SCN9A: variants seen among roughly 807,000 people sequenced by gnomAD.
SCN9A encodes sodium voltage-gated channel alpha subunit 9, also known as sodium channel protein type 9 subunit alpha.
In SCN9A, 131 loss-of-function variants were observed where a neutral mutation model predicts 187.0. That is an observed-to-expected ratio of 0.70 (90% CI 0.61 to 0.81). The LOEUF (loss-of-function observed/expected upper bound fraction) is 0.81, where lower values mean the gene tolerates loss of function less well. Ranked by LOEUF, SCN9A falls within the 30% of genes least tolerant of loss-of-function variation. SCN9A has a pLI of 0.00. For synonymous variants in SCN9A, 809 were observed against 808.6 expected, an observed-to-expected ratio of 1.00 and a Z score of -0.01; for missense variants, 2,252 against 2,396.6, an observed-to-expected ratio of 0.94 and a Z score of 1.26.
At chr2:166,346,747 T>C (rs2105291107) in intron 1 of SCN9A, among the ~76,000 whole-genome samples, 1 of 152,270 alleles carries the variant, frequency 6.6e-6, no homozygotes, top group East Asian at 1.9e-4. Flanking sequence ...TTGTTCTCTC[T>C]AAAGCGTGGG....
intron 15 of SCN9A, among the ~76,000 whole-genome samples, 163 bp from the exon 16 acceptor site, chr2:166,277,502 ATC>A (rs1193574183): frequency 6.6e-6 from 1 of 152,142 alleles, no homozygotes; most frequent in African/African-American, 2.4e-5. Flanking sequence ...AATTTTCAAT[ATC>A]TCTGTTATTT....
intron 1 of SCN9A, among the ~76,000 whole-genome samples, chr2:166,351,161 G>C (rs551569090): frequency 3.4e-4 from 52 of 152,138 alleles, no homozygotes; most frequent in African/African-American, 1.1e-3. Context: ...AAAATATCTT[G>C]AAGTCTTGAA....
At position 166,195,585 on chromosome 2, in the gene SCN9A, T is replaced by C. The variant is rs200582772; in HGVS notation, c.*3087A>G. ...ATTTACATATGCATTTTATTTTCAC[T>C]CTTTTTAATAAAGCTATCAAAACTC... On this transcript the variant is annotated 3_prime_UTR_variant, in exon 27 of 27. Coordinates refer to ENST00000642356, the MANE Select transcript of SCN9A (RefSeq NM_001365536.1). 4.6e-5 allele frequency: 7 copies of C among 152,212 alleles called. No individual in the cohort carries two copies. The highest frequency in any genetic ancestry group is 6.5e-5 in the Admixed American group (1 of 15,276). The allele number at this position is 152,212 out of a possible 1,614,324, so 9.4% of individuals were successfully genotyped here. A position where few individuals can be genotyped will look rare whatever the true frequency, so the allele number is the denominator to read the frequency against.
At chr2:166,370,113 T>C (rs1207287635) in intron 1 of SCN9A, among the ~76,000 whole-genome samples, 1 of 151,504 alleles carries the variant, frequency 6.6e-6, no homozygotes, top group African/African-American at 2.4e-5. Flanking sequence ...AATAATTACA[T>C]TGGATTTAAA....
chr2:166,246,228 A>C (rs1328659539), intron 18 of SCN9A, among the ~76,000 whole-genome samples: 1 of 151,972 alleles, frequency 6.6e-6, no homozygotes, highest in African/African-American at 2.4e-5. Context: ...TTGATTCCCC[A>C]AAAAGAGTTA....
At position 166,284,611 on chromosome 2, in the gene SCN9A, T is replaced by G; in HGVS notation, c.1816A>C (p.Ser606Arg). The change falls in exon 12 of 27, where the codon AGT becomes CGT. Residue 606 changes from serine (S) to arginine (R), a missense_variant. Physicochemically the swap from Ser to Arg is moderately radical, Grantham distance 110. Coordinates refer to ENST00000642356, the MANE Select transcript of SCN9A (RefSeq NM_001365536.1). ...ERRSSNISQA[S>R]RSPPMLPVNG... The stretch of plus-strand genomic sequence containing the variant: ...ACCGGCAGCATTGGTGGGGACCTAC[T>G]GGCTTGGCTGATGTTACTGCTGCGT... 1 of 1,614,030 alleles carries G rather than the reference T, an allele frequency of 6.2e-7. No individual in the cohort carries two copies. Among genetic ancestry groups the G allele is most frequent in the Non-Finnish European group, 8.5e-7 (1 of 1,179,914 alleles).
intron 1 of SCN9A, among the ~76,000 whole-genome samples, chr2:166,319,780 A>G (rs1178386976): frequency 2.0e-5 from 3 of 152,178 alleles, no homozygotes; most frequent in African/African-American, 4.8e-5. Flanking sequence ...TTATCAGTGT[A>G]AAAGTAATGG....
At chr2:166,246,382 T>C (rs1177461485) in intron 18 of SCN9A, among the ~76,000 whole-genome samples, 1 of 152,022 alleles carries the variant, frequency 6.6e-6, no homozygotes, top group Admixed American at 6.6e-5. Flanking sequence ...TTAATTACAG[T>C]GAACATGATC....
chr2:166,343,733 G>T (rs549185419), intron 1 of SCN9A, among the ~76,000 whole-genome samples: 55 of 152,192 alleles, frequency 3.6e-4, no homozygotes, highest in African/African-American at 1.3e-3. Flanking sequence ...GGGGATGGAG[G>T]TTGCAGTGAA....
intron 1 of SCN9A, among the ~76,000 whole-genome samples, chr2:166,331,354 A>G (rs547539536): frequency 1.3e-5 from 2 of 152,312 alleles, no homozygotes; most frequent in South Asian, 4.1e-4. Flanking sequence ...TGGTAATGGC[A>G]TGAAAATTTT....
chr2:166,286,282 T>C lies in SCN9A; in HGVS notation c.1602+54A>G, dbSNP rs886361441. The C allele has an allele frequency of 7.9e-6, 12 of 1,514,582 alleles. No homozygotes were observed. In the African/African-American group the frequency reaches 1.5e-4, roughly 19 times the overall value. The allele number at this position is 1,514,582 out of a possible 1,614,324, so 93.8% of individuals were successfully genotyped here. On this transcript the variant is annotated intron_variant, in intron 11 of 26. Coordinates refer to ENST00000642356, the MANE Select transcript of SCN9A (RefSeq NM_001365536.1). ...AGTTCTCTTACCCTAAAATAAGACA[T>C]TTTTCTCTAGCATTCTGCCTCGGGT...
Position 166,227,710 on chromosome 2 carries a change from C to T in SCN9A, c.4220G>A (p.Gly1407Glu). The stretch of plus-strand genomic sequence containing the variant: ...TGCTGCATACATAATAATCGTCCAT[C>T]CCTTAAAAGTTGCCTTTAAGAATAA... Reference protein sequence around the residue: ...LSLLQVATFKGWTIIMYAAVD... With the variant: ...LSLLQVATFKEWTIIMYAAVD... Residue 1407 changes from glycine to glutamate, a missense_variant, in exon 23 of 27, where the codon GGA becomes GAA. Gly to Glu is a moderately conservative substitution (Grantham distance 98). Around this residue, in one of 7 missense-constraint regions of SCN9A, gnomAD observed 368 missense variants for 408.6 expected, o/e 0.90. Transcript: ENST00000642356. 2 of 1,514,580 alleles carry T rather than the reference C, an allele frequency of 1.3e-6. No homozygotes were observed. The highest frequency in any genetic ancestry group is 1.8e-6 in the Non-Finnish European group (2 of 1,110,522). The allele number at this position is 1,514,580 out of a possible 1,614,324, so 93.8% of individuals were successfully genotyped here. A position where few individuals can be genotyped will look rare whatever the true frequency, so the allele number is the denominator to read the frequency against.
At position 166,302,440 on chromosome 2, in the gene SCN9A, A is replaced by T. The variant is rs1698595025; in HGVS notation, c.901+650T>A. ...CCTACAGAAATAATTCTACTGAACT[A>T]AACTTTGATATCTTGCCATCAGCCT... On this transcript the variant is annotated intron_variant, in intron 7 of 26. Coordinates refer to ENST00000642356, the MANE Select transcript of SCN9A (RefSeq NM_001365536.1). The T allele has an allele frequency of 2.0e-5, 3 of 152,284 alleles. No individual in the cohort carries two copies. In the South Asian group the frequency reaches 6.2e-4, roughly 32 times the overall value. The allele number at this position is 152,284 out of a possible 1,614,324, so 9.4% of individuals were successfully genotyped here. A position where few individuals can be genotyped will look rare whatever the true frequency, so the allele number is the denominator to read the frequency against.
chr2:166,318,163 G>A (rs1574920418), intron 1 of SCN9A, among the ~76,000 whole-genome samples: 1 of 152,188 alleles, frequency 6.6e-6, no homozygotes, highest in South Asian at 2.1e-4. Context: ...GACTCCTAGG[G>A]TATCCATGTC....
chr2:166,238,511 A>T (rs1695420408), intron 19 of SCN9A, among the ~76,000 whole-genome samples: 2 of 152,142 alleles, frequency 1.3e-5, no homozygotes, highest in Admixed American at 1.3e-4. Flanking sequence ...CTTATAATCC[A>T]CAAAAAGACT....
At chr2:166,247,506 A>G (rs779245865) in intron 18 of SCN9A, among the ~76,000 whole-genome samples, 119 of 152,078 alleles carry the variant, frequency 7.8e-4, no homozygotes, top group Non-Finnish European at 1.3e-3. Flanking sequence ...ACAGAAAAAT[A>G]CATTACTATT....
At chr2:166,271,880 G>C (rs889064906) in intron 17 of SCN9A, among the ~76,000 whole-genome samples, 1 of 151,634 alleles carries the variant, frequency 6.6e-6, no homozygotes, top group Non-Finnish European at 1.5e-5. Context: ...AAAGAAGAGA[G>C]AGAGAGAGAG....
At chr2:166,251,232 A>G (rs1439540164) in intron 18 of SCN9A, among the ~76,000 whole-genome samples, 1 of 152,048 alleles carries the variant, frequency 6.6e-6, no homozygotes, top group Non-Finnish European at 1.5e-5. Flanking sequence ...ATGTGGGGAG[A>G]AATCATTATT....
chr2:166,337,225 A>C (rs1574939871), intron 1 of SCN9A, among the ~76,000 whole-genome samples: 1 of 152,156 alleles, frequency 6.6e-6, no homozygotes, highest in African/African-American at 2.4e-5. Flanking sequence ...GATTACTTTC[A>C]GGTATCTGAC....
Sources: gnomAD v4.1 joint callset for allele counts (sites outside exome capture counted in the v4.1 genomes callset) on GRCh38, gnomAD v4.1.1 for gene constraint, gnomAD v4.1.1 regional missense constraint, MANE v1.5 for transcripts, NCBI Gene and HGNC (gene_info 2026-07-23, HGNC 2026-07-21) for gene names.